The following ZAP70 variants were observed in gnomAD, a reference collection of about 807,000 sequenced individuals.
ZAP70 encodes the protein tyrosine-protein kinase ZAP-70.
Under a neutral mutation model 65.8 loss-of-function variants are expected in ZAP70, and 27 were observed. The ratio of observed to expected loss-of-function variants is 0.41; its 90% CI spans 0.30 to 0.57. The LOEUF (loss-of-function observed/expected upper bound fraction) is 0.57, where lower values mean the gene tolerates loss of function less well. Among genes scored for constraint, ZAP70 ranks in the 20% least tolerant of loss-of-function variants. ZAP70 has a pLI of 0.28. For synonymous variants in ZAP70, 363 were observed against 360.8 expected (o/e 1.01, Z -0.07); for missense variants, 696 against 870.5 (o/e 0.80, Z 2.52).
Position 97,739,643 on chromosome 2 carries a change from T to A in ZAP70, c.*145T>A. 1.6e-6 allele frequency: 2 copies of A among 1,266,460 alleles called. No homozygotes were observed. The highest frequency in any genetic ancestry group is 2.2e-6 in the Non-Finnish European group (2 of 924,832). 78.5% of individuals were successfully genotyped at this position (1,266,460 alleles called of 1,614,324 possible). ...GGGGGTGTCTCAGGCCACACCGGCC[T>A]TGCATTGCCTGCCTGGCCCCCTGTC... On this transcript the variant is annotated 3_prime_UTR_variant, in exon 14 of 14. Coordinates refer to ENST00000264972, the MANE Select transcript of ZAP70 (RefSeq NM_001079.4).
At chr2:97,719,967 C>T (rs1677097855) in intron 2 of ZAP70, among the ~76,000 whole-genome samples, 1 of 152,164 alleles carries the variant, frequency 6.6e-6, no homozygotes, top group Non-Finnish European at 1.5e-5. Context: ...TTTCTTTCAT[C>T]CAGCCTGAGG....
chr2:97,749,633 T>C, the ZAP70 span, among the ~76,000 whole-genome samples: 176 of 152,302 alleles, frequency 1.2e-3, 1 homozygote, highest in African/African-American at 4.1e-3. Flanking sequence ...TTGCCTTAAC[T>C]GGAAAAGGAG....
At chr2:97,721,211 T>C (rs1323810463) in intron 2 of ZAP70, among the ~76,000 whole-genome samples, 4 of 152,268 alleles carry the variant, frequency 2.6e-5, no homozygotes, top group Non-Finnish European at 4.4e-5. Context: ...AATTGCTTTA[T>C]CACATACAGT....
Position 97,739,612 on chromosome 2 carries a change from G to A in ZAP70, c.*114G>A. 6.9e-7 allele frequency: 1 copy of A among 1,447,638 alleles called. No individual in the cohort carries two copies. Among genetic ancestry groups the A allele is most frequent in the Non-Finnish European group, 9.3e-7 (1 of 1,076,494 alleles). The allele number at this position is 1,447,638 out of a possible 1,614,324, so 89.7% of individuals were successfully genotyped here. A position where few individuals can be genotyped will look rare whatever the true frequency, so the allele number is the denominator to read the frequency against. On this transcript the variant is annotated 3_prime_UTR_variant, in exon 14 of 14. Transcript: ENST00000264972. ...GGTTGTCTCCACACACAGCTGGGCT[G>A]TGGTAGGGGGTGTCTCAGGCCACAC... is the stretch of plus-strand genomic sequence containing the variant.
the ZAP70 span, among the ~76,000 whole-genome samples, chr2:97,750,358 T>A: frequency 2.6e-5 from 4 of 152,142 alleles, no homozygotes; most frequent in Non-Finnish European, 5.9e-5. Context: ...TGGGCCTTGG[T>A]TATTAGCTTA....
chr2:97,754,405 T>TATC, the ZAP70 span, among the ~76,000 whole-genome samples: 2 of 152,226 alleles, frequency 1.3e-5, no homozygotes, highest in Admixed American at 1.3e-4. Flanking sequence ...GTTTTTTTCT[T>TATC]ATCTTTTTTT....
At chr2:97,749,079 G>T in the ZAP70 span, among the ~76,000 whole-genome samples, 4 of 145,500 alleles carry the variant, frequency 2.7e-5, no homozygotes, top group African/African-American at 1.0e-4. Flanking sequence ...GCGCAATCTC[G>T]GCTCACTGCA....
At chr2:97,751,059 T>C in the ZAP70 span, among the ~76,000 whole-genome samples, 1 of 152,250 alleles carries the variant, frequency 6.6e-6, no homozygotes, top group African/African-American at 2.4e-5. Flanking sequence ...TTGCTGGGTA[T>C]TCTTTCAAAG....
chr2:97,737,789 G>C lies in ZAP70; in HGVS notation c.1515G>C (p.Trp505Cys). 1 of 1,614,134 alleles carries C rather than the reference G, an allele frequency of 6.2e-7. No homozygotes were observed. The highest frequency in any genetic ancestry group is 8.5e-7 in the Non-Finnish European group (1 of 1,180,000). The change falls in exon 12 of 14, where the codon TGG becomes TGC. Residue 505 changes from tryptophan to cysteine, a missense_variant. Physicochemically the swap from Trp to Cys is radical, Grantham distance 215. Coordinates refer to ENST00000264972, the MANE Select transcript of ZAP70 (RefSeq NM_001079.4). The surrounding 1 kb of genome is among the most constrained non-coding windows in gnomAD (Gnocchi z 5.0). ...ARSAGKWPLK[W>C]YAPECINFRK... Reference sequence around the variant, plus strand: ...CAGCAGGGAAGTGGCCGCTCAAGTGGTACGCACCCGAATGCATCAACTTCC... The same window carrying C: ...CAGCAGGGAAGTGGCCGCTCAAGTGCTACGCACCCGAATGCATCAACTTCC...
chr2:97,742,028 AT>A (rs1377504789), downstream of ZAP70, among the ~76,000 whole-genome samples: 1 of 152,210 alleles, frequency 6.6e-6, no homozygotes, highest in Non-Finnish European at 1.5e-5. Context: ...TAAAGAAAGT[AT>A]CCCAGGGAGC....
chr2:97,714,903 C>A (rs915656788), intron 2 of ZAP70, among the ~76,000 whole-genome samples: 11 of 152,122 alleles, frequency 7.2e-5, no homozygotes, highest in African/African-American at 1.7e-4. Context: ...CACTCTGGAG[C>A]CTGGGGGCCT....
At position 97,725,212 on chromosome 2, in the gene ZAP70, C is replaced by T. The variant is rs752318274; in HGVS notation, c.523C>T (p.Arg175Cys). Residue 175 changes from arginine to cysteine, a missense_variant, in exon 4 of 14, where the codon CGC becomes TGC. Arg to Cys is a radical substitution (Grantham distance 180). This residue lies in a region of ZAP70 where 551 missense variants were observed against 630.0 expected (regional missense o/e 0.87). Coordinates refer to ENST00000264972, the MANE Select transcript of ZAP70 (RefSeq NM_001079.4). ...HSSLTREEAERKLYSGAQTDG... is the reference protein window; with the variant it reads ...HSSLTREEAECKLYSGAQTDG... Reference sequence around the variant, plus strand: ...CAGCCTGACGCGTGAGGAGGCCGAGCGCAAACTTTACTCTGGGGCGCAGAC... The same window carrying T: ...CAGCCTGACGCGTGAGGAGGCCGAGTGCAAACTTTACTCTGGGGCGCAGAC... The T allele has an allele frequency of 5.6e-6, 9 of 1,614,012 alleles. No homozygotes were observed. Among genetic ancestry groups the T allele is most frequent in the Non-Finnish European group, 5.9e-6 (7 of 1,180,000 alleles).
At chr2:97,749,595 T>C in the ZAP70 span, among the ~76,000 whole-genome samples, 1 of 152,188 alleles carries the variant, frequency 6.6e-6, no homozygotes, top group African/African-American at 2.4e-5. Flanking sequence ...AGAAGGATCC[T>C]GAATGCATGA....
At chr2:97,716,720 G>A (rs986895953) in intron 2 of ZAP70, among the ~76,000 whole-genome samples, 2 of 152,156 alleles carry the variant, frequency 1.3e-5, no homozygotes, top group Non-Finnish European at 2.9e-5. Flanking sequence ...TGAGTGGCGG[G>A]GGGTGGTGAT....
chr2:97,745,063 G>A, the ZAP70 span, among the ~76,000 whole-genome samples: 1 of 152,034 alleles, frequency 6.6e-6, no homozygotes, highest in African/African-American at 2.4e-5. Flanking sequence ...TTTTGAGACG[G>A]AGTCTCGCTC....
rs1204892323 is a variant in ZAP70, at chr2:97,724,096, C to T, written c.60C>T (p.Ala20=). 1 of 1,564,092 alleles carries T rather than the reference C, an allele frequency of 6.4e-7. No individual in the cohort carries two copies. Among genetic ancestry groups the T allele is most frequent in the East Asian group, 2.3e-5 (1 of 42,588 alleles). ...ACGGCAGCATCTCGCGTGCCGAGGC[C>T]GAGGAGCACCTGAAGCTGGCGGGCA... ...FFYGSISRAE[A]EEHLKLAGMA... is the part of the protein sequence containing the mutation. The change falls in exon 3 of 14, where the codon GCC becomes GCT. Residue 20 remains alanine (A), a synonymous_variant. Transcript: ENST00000264972.
At position 97,725,263 on chromosome 2, in the gene ZAP70, C is replaced by A; in HGVS notation, c.563+11C>A. 6.2e-7 allele frequency: 1 copy of A among 1,611,582 alleles called. No homozygotes were observed. Among genetic ancestry groups the A allele is most frequent in the Non-Finnish European group, 8.5e-7 (1 of 1,177,846 alleles). On this transcript the variant is annotated intron_variant, in intron 4 of 13. Coordinates refer to ENST00000264972, the MANE Select transcript of ZAP70 (RefSeq NM_001079.4). The stretch of plus-strand genomic sequence containing the variant: ...CGACGGCAAGTTCCTGTATGTGGGG[C>A]CCGGGATTTGGGTGCGGTGAGGATT...
the ZAP70 span, among the ~76,000 whole-genome samples, chr2:97,756,057 A>G: frequency 2.6e-5 from 4 of 152,362 alleles, no homozygotes; most frequent in East Asian, 7.7e-4. Flanking sequence ...GGTAGCAATT[A>G]CTGCTTTTTA....
At chr2:97,747,813 A>AG in the ZAP70 span, among the ~76,000 whole-genome samples, 467 of 64,754 alleles carry the variant, frequency 7.2e-3, 13 homozygotes, top group African/African-American at 0.029. Context: ...TACTGGCACG[A>AG]GGTTTTTTTT....
Sources: gnomAD v4.1 joint callset for allele counts (sites outside exome capture counted in the v4.1 genomes callset) on GRCh38, gnomAD v4.1.1 for gene constraint, gnomAD v4.1.1 regional missense constraint, Gnocchi (gnomAD v3.1) non-coding constraint, MANE v1.5 for transcripts, NCBI Gene and HGNC (gene_info 2026-07-23, HGNC 2026-07-21) for gene names.